The following KCNH5 variants were observed in gnomAD, a reference collection of about 807,000 sequenced individuals.
The protein encoded by KCNH5 is potassium voltage-gated channel subfamily H member 5, also known as voltage-gated delayed rectifier potassium channel KCNH5.
Under a neutral mutation model 96.1 loss-of-function variants are expected in KCNH5, and 46 were observed. The observed-to-expected ratio is 0.48, with a 90% confidence interval of 0.38 to 0.61. The LOEUF (loss-of-function observed/expected upper bound fraction) is 0.61, where lower values mean the gene tolerates loss of function less well. Among genes scored for constraint, KCNH5 ranks in the 20% least tolerant of loss-of-function variants. The pLI, the probability that KCNH5 is intolerant of heterozygous loss-of-function variation, is 0.00. For missense variants in KCNH5, 907 were observed against 1,225.8 expected (o/e 0.74, Z 3.88); for synonymous variants, 439 against 449.8 (o/e 0.98, Z 0.30).
chr14:62,776,539 G>A (rs992886603), intron 10 of KCNH5, among the ~76,000 whole-genome samples: 4 of 152,110 alleles, frequency 2.6e-5, no homozygotes, highest in Non-Finnish European at 4.4e-5. Context: ...ATCATATTTT[G>A]TTATGGCAGT....
At chr14:62,971,450 C>A (rs1479085486) in intron 6 of KCNH5, among the ~76,000 whole-genome samples, 2 of 151,924 alleles carry the variant, frequency 1.3e-5, no homozygotes, top group Non-Finnish European at 2.9e-5. Flanking sequence ...GAACTAGAGA[C>A]AACAAAAATC....
At chr14:62,821,490 T>G (rs971482711) in intron 8 of KCNH5, among the ~76,000 whole-genome samples, 1 of 152,154 alleles carries the variant, frequency 6.6e-6, no homozygotes, top group Non-Finnish European at 1.5e-5. Context: ...CTCATCAGTA[T>G]TCTACATGTT....
intron 4 of KCNH5, among the ~76,000 whole-genome samples, chr14:62,993,907 A>G (rs954611508): frequency 5.9e-5 from 9 of 152,078 alleles, no homozygotes; most frequent in African/African-American, 2.2e-4. Context: ...AGAGCCTAAT[A>G]CTTGCTCTGT....
At chr14:62,948,296 A>G (rs1889932847) in intron 7 of KCNH5, among the ~76,000 whole-genome samples, 1 of 152,290 alleles carries the variant, frequency 6.6e-6, no homozygotes, top group Admixed American at 6.5e-5. Context: ...ATATGTGTGC[A>G]TGTGTCTTTA....
intron 7 of KCNH5, among the ~76,000 whole-genome samples, chr14:62,945,692 T>A (rs1447914244): frequency 6.6e-6 from 1 of 151,892 alleles, no homozygotes; most frequent in Non-Finnish European, 1.5e-5. Flanking sequence ...TATAGTAGGG[T>A]AGCACTGGAA....
chr14:63,024,317 A>G (rs1296123442), intron 1 of KCNH5, among the ~76,000 whole-genome samples: 9 of 150,704 alleles, frequency 6.0e-5, no homozygotes, highest in Non-Finnish European at 1.0e-4. Flanking sequence ...TATAGCAACA[A>G]GTGCCTACAT....
chr14:62,998,281 C>G (rs1223752222), intron 4 of KCNH5, among the ~76,000 whole-genome samples: 2 of 151,908 alleles, frequency 1.3e-5, no homozygotes, highest in African/African-American at 4.8e-5. Context: ...TCGCAGTAGC[C>G]CTTTACTCTG....
chr14:62,781,714 T>G (rs1309779870), intron 9 of KCNH5, among the ~76,000 whole-genome samples: 3 of 152,246 alleles, frequency 2.0e-5, no homozygotes, highest in African/African-American at 4.8e-5. Context: ...AAGGTTATCT[T>G]TCTTATTCCC....
intron 7 of KCNH5, among the ~76,000 whole-genome samples, chr14:62,897,906 T>C (rs1566699688): frequency 6.6e-6 from 1 of 152,122 alleles, no homozygotes; most frequent in Non-Finnish European, 1.5e-5. Flanking sequence ...AAATGGAGCA[T>C]GGCAAACCAA....
intron 10 of KCNH5, among the ~76,000 whole-genome samples, chr14:62,766,772 C>T (rs1476438983): frequency 1.3e-5 from 2 of 151,966 alleles, no homozygotes; most frequent in African/African-American, 2.4e-5. Flanking sequence ...TTTGATAGCA[C>T]AAGGTGACTA....
At chr14:62,782,647 A>C (rs1462035551) in intron 9 of KCNH5, among the ~76,000 whole-genome samples, 1 of 152,000 alleles carries the variant, frequency 6.6e-6, no homozygotes. Flanking sequence ...CGTCTCTACT[A>C]AAAATACAAA....
intron 8 of KCNH5, among the ~76,000 whole-genome samples, chr14:62,839,549 T>C (rs1338711903): frequency 1.3e-5 from 2 of 151,128 alleles, no homozygotes; most frequent in African/African-American, 4.9e-5. Flanking sequence ...TAAACAAATA[T>C]GTGATGATTA....
intron 9 of KCNH5, among the ~76,000 whole-genome samples, chr14:62,782,831 A>G (rs1377701403): frequency 1.3e-5 from 2 of 152,080 alleles, no homozygotes; most frequent in African/African-American, 4.8e-5. Flanking sequence ...ATAAAATAAA[A>G]TGAAATAAAA....
At chr14:62,745,075 T>C (rs1438624887) in intron 10 of KCNH5, among the ~76,000 whole-genome samples, 2 of 152,212 alleles carry the variant, frequency 1.3e-5, no homozygotes, top group Non-Finnish European at 2.9e-5. Context: ...TAGCAGAGGA[T>C]GCTCTTGACC....
chr14:62,832,735 G>C (rs1436587516), intron 8 of KCNH5, among the ~76,000 whole-genome samples: 1 of 152,024 alleles, frequency 6.6e-6, no homozygotes, highest in Non-Finnish European at 1.5e-5. Context: ...CAATATATAA[G>C]CATTCCAGTT....
intron 3 of KCNH5, among the ~76,000 whole-genome samples, chr14:63,004,443 T>G (rs1284279092): frequency 1.3e-5 from 2 of 152,214 alleles, no homozygotes; most frequent in Non-Finnish European, 2.9e-5. Flanking sequence ...GAGAGTTATC[T>G]GGAAAGAACC....
At chr14:62,865,671 C>G (rs1888121392) in intron 7 of KCNH5, among the ~76,000 whole-genome samples, 1 of 152,112 alleles carries the variant, frequency 6.6e-6, no homozygotes, top group African/African-American at 2.4e-5. Context: ...TTGACTGGTT[C>G]CTTTCTAATT....
chr14:62,839,287 A>C (rs1213883907), intron 8 of KCNH5, among the ~76,000 whole-genome samples: 1 of 152,174 alleles, frequency 6.6e-6, no homozygotes, highest in African/African-American at 2.4e-5. Flanking sequence ...GTATTCAACT[A>C]AACAAGCACT....
At chr14:62,710,789 G>A (rs10137910) in intron 10 of KCNH5, among the ~76,000 whole-genome samples, 7,397 of 152,220 alleles carry the variant, frequency 0.049, 202 homozygotes, top group Middle Eastern at 0.092. Context: ...GTAAAATGCA[G>A]GTCCCCTGTG....
Sources: allele counts gnomAD v4.1 joint callset (sites outside exome capture counted in the v4.1 genomes callset), GRCh38; gene constraint gnomAD v4.1.1; transcripts MANE v1.5; gene names NCBI Gene and HGNC (gene_info 2026-07-23, HGNC 2026-07-21).